Variants in ACYP2 observed in about 807,000 individuals in gnomAD.
ACYP2 encodes the protein acylphosphatase 2.
A neutral mutation model predicts 11.2 loss-of-function variants in ACYP2; 12 were observed. The observed-to-expected ratio is 1.08, with a 90% CI of 0.69 to 1.74. The LOEUF (loss-of-function observed/expected upper bound fraction) is 1.74. ACYP2 is among the 40% of genes most tolerant of loss of function. ACYP2 has a pLI of 0.00. For synonymous variants in ACYP2, 43 were observed against 32.2 expected (o/e 1.33, Z -1.13); for missense variants, 134 against 101.9 (o/e 1.31, Z -1.35).
chr2:54,096,699 GGC>G (rs1362220837), intron 4 of ACYP2, among the ~76,000 whole-genome samples: 1 of 151,564 alleles, frequency 6.6e-6, no homozygotes. Context: ...CAGGTGTGGC[GGC>G]GCGCGCCTGC....
intron 6 of ACYP2, chr2:54,255,528 G>T: frequency 6.2e-7 from 1 of 1,613,804 alleles, no homozygotes; most frequent in South Asian, 1.1e-5. Context: ...GTTCCAGCTG[G>T]ATGGACTCCA....
intron 2 of ACYP2, among the ~76,000 whole-genome samples, chr2:53,988,530 A>G (rs1672133536): frequency 6.6e-6 from 1 of 151,496 alleles, no homozygotes; most frequent in Non-Finnish European, 1.5e-5. Flanking sequence ...CCTCCCGAGA[A>G]GCTGGGACCA....
intron 2 of ACYP2, among the ~76,000 whole-genome samples, chr2:53,995,107 A>AAAAG (rs553833153): frequency 1.3e-3 from 204 of 152,348 alleles, no homozygotes; most frequent in African/African-American, 4.8e-3. Flanking sequence ...TCGTATCTTT[A>AAAAG]GTGCATGTTC....
chr2:54,204,694 C>T (rs10865281), intron 6 of ACYP2, among the ~76,000 whole-genome samples: 37,538 of 152,056 alleles, frequency 0.25, 4,706 homozygotes, highest in East Asian at 0.39. Context: ...CGGTGAGCTC[C>T]TTTGATCTAA....
chr2:54,028,680 T>A lies in ACYP2; in HGVS notation c.63-22278T>A, dbSNP rs368204601. On this transcript the variant is annotated intron_variant, in intron 2 of 6. Coordinates refer to ENST00000607452, the MANE Select transcript of ACYP2 (RefSeq NM_001320586.2). ...TCCAATAGACTTTGTCCCAGGCCAT[T>A]GTATGTTCTTCGGTCCCATTGAATT... Among the ~76,000 whole-genome samples, 27 of 152,324 alleles carry A rather than the reference T, an allele frequency of 1.8e-4. 1 individual carries two copies. In the South Asian group the frequency reaches 5.4e-3, roughly 30 times the overall value.
chr2:54,125,324 C>T (rs1452409976), intron 4 of ACYP2, among the ~76,000 whole-genome samples: 3 of 152,054 alleles, frequency 2.0e-5, no homozygotes, highest in Non-Finnish European at 2.9e-5. Flanking sequence ...CAATTCCAAA[C>T]GCCATAATCT....
chr2:54,217,241 G>T (rs750725879), intron 6 of ACYP2, among the ~76,000 whole-genome samples: 1 of 152,202 alleles, frequency 6.6e-6, no homozygotes, highest in South Asian at 2.1e-4. Flanking sequence ...AATTACAGGA[G>T]TATTCTCCCA....
At chr2:54,015,593 G>A (rs897070538) in intron 2 of ACYP2, among the ~76,000 whole-genome samples, 9 of 151,564 alleles carry the variant, frequency 5.9e-5, no homozygotes, top group Non-Finnish European at 8.8e-5. Flanking sequence ...AGGATTCAGC[G>A]AGCCATGATT....
chr2:54,070,285 A>AG lies in ACYP2; in HGVS notation c.277+12925_277+12926insG, dbSNP rs796624321. 6.1e-4 allele frequency among the ~76,000 whole-genome samples: 93 copies of AG among 151,940 alleles called. 1 individual carries two copies. Among genetic ancestry groups the AG allele is most frequent in the African/African-American group, 1.2e-3 (48 of 41,474 alleles). ...AAGTCCATCTCAAAAAAAAAAAAAAAAAAGAAAGAAAGAAAAAATACATGT... is the reference window on the plus strand; with the variant it reads ...AAGTCCATCTCAAAAAAAAAAAAAAAGAAAGAAAGAAAGAAAAAATACATGT... On this transcript the variant is annotated intron_variant, in intron 4 of 6. Coordinates refer to ENST00000607452, the MANE Select transcript of ACYP2 (RefSeq NM_001320586.2).
At chr2:54,069,862 A>C (rs1259392340) in intron 4 of ACYP2, among the ~76,000 whole-genome samples, 1 of 152,246 alleles carries the variant, frequency 6.6e-6, no homozygotes, top group East Asian at 1.9e-4. Context: ...TAAAAACATT[A>C]GTCACTAAAA....
chr2:54,171,196 A>G (rs182228665), intron 6 of ACYP2, among the ~76,000 whole-genome samples: 2 of 152,250 alleles, frequency 1.3e-5, no homozygotes, highest in Admixed American at 1.3e-4. Flanking sequence ...ACATTCCCAA[A>G]GGTTCACGCT....
At chr2:54,039,642 G>T (rs1675114609) in intron 2 of ACYP2, among the ~76,000 whole-genome samples, 1 of 151,882 alleles carries the variant, frequency 6.6e-6, no homozygotes, top group African/African-American at 2.4e-5. Flanking sequence ...GCCCAAGCTG[G>T]TCTCGAACTC....
intron 2 of ACYP2, among the ~76,000 whole-genome samples, chr2:53,989,263 A>T (rs1170328043): frequency 1.5e-5 from 2 of 137,262 alleles, no homozygotes; most frequent in Admixed American, 7.6e-5. Context: ...AAAAAGTCAG[A>T]TTGGTAGACA....
chr2:54,286,604 C>T (rs529092896), intron 6 of ACYP2, among the ~76,000 whole-genome samples: 6 of 152,112 alleles, frequency 3.9e-5, no homozygotes, highest in African/African-American at 7.2e-5. Flanking sequence ...AAAGATGATC[C>T]GTTTTTACAC....
At chr2:54,274,264 G>A (rs1688446356) in intron 6 of ACYP2, among the ~76,000 whole-genome samples, 1 of 152,112 alleles carries the variant, frequency 6.6e-6, no homozygotes, top group South Asian at 2.1e-4. Context: ...ACCATTGCAA[G>A]AACAGGGCAG....
In ACYP2 at chr2:54,153,686, G is replaced by A. The variant is rs1682302508; in HGVS notation, c.404+14938G>A. Among the ~76,000 whole-genome samples the A allele has an allele frequency of 2.7e-5, 4 of 148,872 alleles. No individual in the cohort carries two copies. The Admixed American group carries it at 2.7e-4, about 10-fold the overall frequency. On this transcript the variant is annotated intron_variant, in intron 6 of 6. Transcript: ENST00000607452. ...GTGATCTCGGCTCACTGCAAGCTCT[G>A]CCTCCTGGGTTCACACCATTCTCCT...
At chr2:54,262,977 TG>T (rs1017514442) in intron 6 of ACYP2, among the ~76,000 whole-genome samples, 1 of 152,148 alleles carries the variant, frequency 6.6e-6, no homozygotes, top group Non-Finnish European at 1.5e-5. Context: ...GCCAGCACTA[TG>T]GGGGGCCAAA....
chr2:54,060,199 A>G (rs1021806621), intron 4 of ACYP2, among the ~76,000 whole-genome samples: 31 of 152,160 alleles, frequency 2.0e-4, no homozygotes, highest in Non-Finnish European at 4.1e-4. Flanking sequence ...TGAAAATCCT[A>G]TGAGTCAGAT....
At chr2:54,208,796 A>G (rs180895989) in intron 6 of ACYP2, among the ~76,000 whole-genome samples, 55 of 152,170 alleles carry the variant, frequency 3.6e-4, no homozygotes, top group African/African-American at 1.2e-3. Flanking sequence ...ATAATATTCT[A>G]TGTCATAAAT....
Sources: gnomAD v4.1 joint callset for allele counts (sites outside exome capture counted in the v4.1 genomes callset) on GRCh38, gnomAD v4.1.1 for gene constraint, MANE v1.5 for transcripts, NCBI Gene and HGNC (gene_info 2026-07-23, HGNC 2026-07-21) for gene names.